ACKR2: variants seen among roughly 807,000 people sequenced by gnomAD.
ACKR2 encodes the protein C-C chemokine receptor D6.
For synonymous variants in ACKR2, 207 were observed against 192.2 expected (o/e 1.08, Z -0.64); for missense variants, 457 against 477.3 (o/e 0.96, Z 0.40).
At chr3:42,841,480 T>G (rs1042912244) in intron 2 of ACKR2, 1 of 152,226 alleles carries the variant, frequency 6.6e-6, no homozygotes, top group Non-Finnish European at 1.5e-5. Flanking sequence ...GACCTTAGAT[T>G]AAGACTCCTT....
intron 2 of ACKR2, among the ~76,000 whole-genome samples, chr3:42,862,846 T>C (rs148385514): frequency 5.9e-5 from 9 of 152,294 alleles, no homozygotes; most frequent in African/African-American, 1.7e-4. Flanking sequence ...TTACACCTTA[T>C]ACAAAAATAA....
At chr3:42,840,270 A>AAG (rs1701024427) in intron 2 of ACKR2, among the ~76,000 whole-genome samples, 1 of 151,104 alleles carries the variant, frequency 6.6e-6, no homozygotes. Context: ...AAAAAAAAAA[A>AAG]AAAAAAAAAA....
At chr3:42,831,302 C>G (rs1559686699) in intron 2 of ACKR2, among the ~76,000 whole-genome samples, 1 of 152,228 alleles carries the variant, frequency 6.6e-6, no homozygotes, top group Non-Finnish European at 1.5e-5. Flanking sequence ...AAGAGCAAAA[C>G]AGCAGACCCC....
At chr3:42,828,092 A>ATTTTTTTTTTTTTTTTTTTTTT (rs71072742) in intron 2 of ACKR2, among the ~76,000 whole-genome samples, 3 of 121,900 alleles carry the variant, frequency 2.5e-5, no homozygotes, top group Non-Finnish European at 3.4e-5. Context: ...ATATATATAT[A>ATTTTTTTTTTTTTTTTTTTTTT]TTTTTTTTTT....
intron 2 of ACKR2, among the ~76,000 whole-genome samples, chr3:42,860,972 C>G (rs374465128): frequency 3.9e-5 from 6 of 152,124 alleles, no homozygotes; most frequent in African/African-American, 1.4e-4. Context: ...CAAAAGCAAA[C>G]AAATTCAAAA....
intron 1 of ACKR2, among the ~76,000 whole-genome samples, chr3:42,816,085 A>G (rs1408668214): frequency 2.0e-5 from 3 of 151,926 alleles, no homozygotes; most frequent in Non-Finnish European, 2.9e-5. Flanking sequence ...ATTAACTGGC[A>G]TATAGTAAGT....
intron 2 of ACKR2, among the ~76,000 whole-genome samples, chr3:42,822,813 CAAA>C (rs71072739): frequency 0.28 from 22,801 of 80,680 alleles, 1,681 homozygotes; most frequent in South Asian, 0.37. Flanking sequence ...GACTCCAGCT[CAAA>C]AAAAAAAAAA....
intron 2 of ACKR2, among the ~76,000 whole-genome samples, chr3:42,859,878 A>G (rs2088361763): frequency 6.6e-6 from 1 of 152,114 alleles, no homozygotes; most frequent in African/African-American, 2.4e-5. Context: ...AGCCACCACA[A>G]AAACATACCA....
intron 2 of ACKR2, among the ~76,000 whole-genome samples, chr3:42,846,561 G>T (rs904185467): frequency 1.3e-5 from 2 of 152,162 alleles, no homozygotes; most frequent in African/African-American, 4.8e-5. Context: ...AATGTTATGA[G>T]AAATTTTAAG....
At chr3:42,822,813 C>CAAAAAA (rs71072739) in intron 2 of ACKR2, among the ~76,000 whole-genome samples, 3 of 81,888 alleles carry the variant, frequency 3.7e-5, no homozygotes, top group African/African-American at 1.2e-4. Flanking sequence ...GACTCCAGCT[C>CAAAAAA]AAAAAAAAAA....
At chr3:42,828,094 T>TATATATATATATATATATATATA (rs533091556) in intron 2 of ACKR2, among the ~76,000 whole-genome samples, 1 of 71,524 alleles carries the variant, frequency 1.4e-5, no homozygotes, top group African/African-American at 4.8e-5. Context: ...ATATATATAT[T>TATATATATATATATATATATATA]TTTTTTTTTT....
chr3:42,846,323 T>C (rs1383334974), intron 2 of ACKR2, among the ~76,000 whole-genome samples: 1 of 152,190 alleles, frequency 6.6e-6, no homozygotes, highest in East Asian at 1.9e-4. Context: ...AGCTGTCAGC[T>C]TTCTCAGTTT....
intron 2 of ACKR2, among the ~76,000 whole-genome samples, chr3:42,861,672 A>T (rs917438838): frequency 6.6e-6 from 1 of 152,234 alleles, no homozygotes; most frequent in Non-Finnish European, 1.5e-5. Context: ...TACCACCATC[A>T]AGTCGGCCTC....
At chr3:42,814,581 C>T (rs1302202236) in intron 1 of ACKR2, among the ~76,000 whole-genome samples, 1 of 152,240 alleles carries the variant, frequency 6.6e-6, no homozygotes, top group Non-Finnish European at 1.5e-5. Context: ...TGATCTTTGT[C>T]GAACTTTGTT....
intron 2 of ACKR2, among the ~76,000 whole-genome samples, chr3:42,858,327 A>G (rs1262150793): frequency 6.6e-6 from 1 of 152,198 alleles, no homozygotes; most frequent in East Asian, 1.9e-4. Flanking sequence ...AGAGGAAGAA[A>G]CAGGCAGCAA....
At chr3:42,861,453 A>T (rs576040689) in intron 2 of ACKR2, among the ~76,000 whole-genome samples, 96 of 152,344 alleles carry the variant, frequency 6.3e-4, no homozygotes, top group Admixed American at 2.6e-3. Context: ...AGCTGGTACC[A>T]TTCCTTGTGA....
intron 2 of ACKR2, among the ~76,000 whole-genome samples, chr3:42,830,459 G>GCAAC (rs1700920798): frequency 6.6e-6 from 1 of 152,012 alleles, no homozygotes; most frequent in African/African-American, 2.4e-5. Flanking sequence ...ATTCTGTAAT[G>GCAAC]CAACCCCTAA....
rs756691647 is a variant in ACKR2 at position 42,864,888 on chromosome 3, A to G, written c.386A>G (p.Tyr129Cys). Reference protein sequence around the residue: ...MVSTLYTINFYSGIFFISCMS... With the variant: ...MVSTLYTINFCSGIFFISCMS... Reference sequence around the variant, plus strand: ...AGCACTCTTTATACTATTAACTTTTACAGTGGCATCTTTTTCATTAGCTGC... The same window carrying G: ...AGCACTCTTTATACTATTAACTTTTGCAGTGGCATCTTTTTCATTAGCTGC... The change falls in exon 3 of 3, where the codon TAC (tyrosine) becomes TGC (cysteine). Residue 129 changes from tyrosine to cysteine, a missense_variant. Tyr to Cys is a radical substitution (Grantham distance 194). Coordinates refer to ENST00000422265, the MANE Select transcript of ACKR2 (RefSeq NM_001296.5). The G allele has an allele frequency of 6.2e-7, 1 of 1,614,106 alleles. No homozygotes were observed. The highest frequency in any genetic ancestry group is 1.1e-5 in the South Asian group (1 of 91,074).
chr3:42,862,023 CA>C (rs1487640897), intron 2 of ACKR2, among the ~76,000 whole-genome samples: 1 of 152,006 alleles, frequency 6.6e-6, no homozygotes, highest in Admixed American at 6.6e-5. Flanking sequence ...GGCAATCAGG[CA>C]AAGAGAAAGA....
Sources: allele counts gnomAD v4.1 joint callset (sites outside exome capture counted in the v4.1 genomes callset), GRCh38; gene constraint gnomAD v4.1.1; transcripts MANE v1.5; gene names NCBI Gene and HGNC (gene_info 2026-07-23, HGNC 2026-07-21).